Variants in TRPM3 observed in about 807,000 individuals in gnomAD.
TRPM3 encodes transient receptor potential cation channel subfamily M member 3.
In TRPM3, 77 loss-of-function variants were observed where a neutral mutation model predicts 181.2. The ratio of observed to expected loss-of-function variants is 0.42; its 90% CI spans 0.35 to 0.51. The LOEUF (loss-of-function observed/expected upper bound fraction) is 0.51. TRPM3 is among the 20% of genes least tolerant of loss of function. The probability of loss-of-function intolerance (pLI) is 0.01; values close to 1 mark genes in which losing one functional copy is unlikely to be tolerated. For missense variants in TRPM3, 1,759 were observed against 2,196.7 expected (o/e 0.80, Z 3.98); for synonymous variants, 745 against 796.4 (o/e 0.94, Z 1.09).
At position 71,063,710 on chromosome 9, in the gene TRPM3, G is replaced by C. The variant is rs547490953; in HGVS notation, c.177+57468C>G. 4.6e-5 allele frequency among the ~76,000 whole-genome samples: 7 copies of C among 152,130 alleles called. No individual in the cohort carries two copies. The East Asian group carries it at 1.4e-3, about 29-fold the overall frequency. On this transcript the variant is annotated intron_variant, in intron 1 of 25. Transcript: ENST00000677713. The stretch of plus-strand genomic sequence containing the variant: ...GGGGAGGGTGGCTGTAGGGACTATT[G>C]CAAGATAAAGCTGGAAATGTAGACT...
chr9:71,304,013 T>C (rs1172681315), intron 1 of TRPM3, among the ~76,000 whole-genome samples: 1 of 152,106 alleles, frequency 6.6e-6, no homozygotes, highest in African/African-American at 2.4e-5. Flanking sequence ...AATAAATATA[T>C]AGTTTTTGTT....
intron 1 of TRPM3, among the ~76,000 whole-genome samples, chr9:71,051,933 TA>T (rs764023571): frequency 1.0e-4 from 14 of 140,442 alleles, no homozygotes; most frequent in Admixed American, 1.4e-4. Context: ...ATGTTATCTC[TA>T]GGGGGGTTGT....
In TRPM3 at chr9:70,811,324, T is replaced by C. The variant is rs1588686220; in HGVS notation, c.973+16523A>G. ...TTATTAAAGCAGATGGATTACCCAA[T>C]TTACATAAATTTATATACGTGATGG... On this transcript the variant is annotated intron_variant, in intron 6 of 25. Transcript: ENST00000677713. 4 of 1,192,642 alleles carry C rather than the reference T, an allele frequency of 3.4e-6. No homozygotes were observed. The African/African-American group carries it at 4.6e-5, about 14-fold the overall frequency. The allele number at this position is 1,192,642 out of a possible 1,614,324, so 73.9% of individuals were successfully genotyped here. A position where few individuals can be genotyped will look rare whatever the true frequency, so the allele number is the denominator to read the frequency against.
At position 70,963,558 on chromosome 9, in the gene TRPM3, C is replaced by T. The variant is rs141214302; in HGVS notation, c.178-99047G>A. 4.2e-3 allele frequency among the ~76,000 whole-genome samples: 640 copies of T among 152,148 alleles called. 5 individuals are homozygous for T. Among genetic ancestry groups the T allele is most frequent in the African/African-American group, 0.015 (615 of 41,518 alleles). On this transcript the variant is annotated intron_variant, in intron 1 of 25. Transcript: ENST00000677713. ...TTGGCTTGGGTGGTGGCAACACAGACTTGTTTGGTGATAACACTTCGAGGT... is the reference window on the plus strand; with the variant it reads ...TTGGCTTGGGTGGTGGCAACACAGATTTGTTTGGTGATAACACTTCGAGGT...
intron 1 of TRPM3, among the ~76,000 whole-genome samples, chr9:71,022,248 T>C (rs138727815): frequency 3.3e-5 from 5 of 152,328 alleles, no homozygotes; most frequent in African/African-American, 1.2e-4. Context: ...TACACAAATA[T>C]GTCTAACCAA....
At chr9:70,923,820 C>CTA (rs1260183978) in intron 1 of TRPM3, among the ~76,000 whole-genome samples, 20 of 140,422 alleles carry the variant, frequency 1.4e-4, no homozygotes, top group African/African-American at 4.9e-4. Context: ...CTCTCTCTCT[C>CTA]TCTCTCTCTA....
intron 5 of TRPM3, among the ~76,000 whole-genome samples, chr9:70,829,767 C>T (rs986372807): frequency 3.9e-5 from 6 of 152,040 alleles, no homozygotes; most frequent in African/African-American, 7.3e-5. Context: ...TAGATGATTG[C>T]GTAAGAGTCC....
intron 5 of TRPM3, among the ~76,000 whole-genome samples, chr9:70,832,553 G>C (rs929972720): frequency 6.6e-6 from 1 of 152,152 alleles, no homozygotes; most frequent in African/African-American, 2.4e-5. Context: ...AGTGAAATGA[G>C]AGCTGTTTAA....
At chr9:71,085,908 G>A (rs1451628665) in intron 1 of TRPM3, among the ~76,000 whole-genome samples, 1 of 151,976 alleles carries the variant, frequency 6.6e-6, no homozygotes, top group Non-Finnish European at 1.5e-5. Flanking sequence ...CATGTTCATT[G>A]CAGCACTAAT....
intron 1 of TRPM3, among the ~76,000 whole-genome samples, chr9:71,108,323 C>G (rs1290351495): frequency 2.0e-5 from 3 of 152,098 alleles, no homozygotes; most frequent in Non-Finnish European, 4.4e-5. Flanking sequence ...ATTCCAGAAC[C>G]ATTAAGCTAT....
intron 1 of TRPM3, among the ~76,000 whole-genome samples, chr9:71,139,172 G>A (rs1276897847): frequency 1.3e-5 from 2 of 152,028 alleles, no homozygotes; most frequent in African/African-American, 2.4e-5. Flanking sequence ...AATTCATGTT[G>A]TAACTGAAAT....
chr9:70,899,276 A>G (rs2096345963), intron 1 of TRPM3, among the ~76,000 whole-genome samples: 1 of 152,200 alleles, frequency 6.6e-6, no homozygotes, highest in Non-Finnish European at 1.5e-5. Flanking sequence ...ATGACTTGTT[A>G]TTCCTGGAAG....
intron 1 of TRPM3, among the ~76,000 whole-genome samples, chr9:71,162,199 C>CA (rs35947110): frequency 0.52 from 38,803 of 74,534 alleles, 9,426 homozygotes; most frequent in Non-Finnish European, 0.58. Context: ...GACTCTGTCT[C>CA]AAAAAAAAAA....
At chr9:70,790,058 G>C (rs2084985924) in intron 6 of TRPM3, among the ~76,000 whole-genome samples, 1 of 152,146 alleles carries the variant, frequency 6.6e-6, no homozygotes, top group African/African-American at 2.4e-5. Flanking sequence ...CATAATCTAT[G>C]ATCAGCTTAG....
intron 1 of TRPM3, among the ~76,000 whole-genome samples, chr9:71,249,020 A>G (rs1489853723): frequency 2.6e-5 from 4 of 152,210 alleles, no homozygotes; most frequent in African/African-American, 9.6e-5. Flanking sequence ...CAATGAAAAA[A>G]GTGTTTCATC....
intron 1 of TRPM3, among the ~76,000 whole-genome samples, chr9:71,437,976 C>T (rs2094072407): frequency 6.6e-6 from 1 of 151,904 alleles, no homozygotes; most frequent in Admixed American, 6.6e-5. Context: ...GGCTAATACC[C>T]AAAAATGAGA....
At position 70,610,711 on chromosome 9, in the gene TRPM3, C is replaced by T. The variant is rs370376246; in HGVS notation, c.2565G>A (p.Lys855=). The change falls in exon 19 of 26, where the codon AAG becomes AAA. Residue 855 remains lysine (K), a synonymous_variant. Coordinates refer to ENST00000677713, the MANE Select transcript of TRPM3 (RefSeq NM_001366145.2). ...LGRNNGESSR[K]KDEEEVQSKH... Reference sequence around the variant, plus strand: ...TGCTCTGAACTTCCTCTTCATCCTTCTTCCTGGAGGACTCCCCGTTGTTTC... The same window carrying T: ...TGCTCTGAACTTCCTCTTCATCCTTTTTCCTGGAGGACTCCCCGTTGTTTC... 2 of 1,614,180 alleles carry T rather than the reference C, an allele frequency of 1.2e-6. No homozygotes were observed. The highest frequency in any genetic ancestry group is 2.2e-5 in the South Asian group (2 of 91,086).
chr9:70,900,809 C>T (rs2133012550), intron 1 of TRPM3, among the ~76,000 whole-genome samples: 1 of 152,270 alleles, frequency 6.6e-6, no homozygotes, highest in East Asian at 1.9e-4. Flanking sequence ...ACTGGAAGGG[C>T]CAGGCTAGAG....
At chr9:71,399,745 A>G (rs1244627532) in intron 1 of TRPM3, among the ~76,000 whole-genome samples, 1 of 151,856 alleles carries the variant, frequency 6.6e-6, no homozygotes, top group African/African-American at 2.4e-5. Context: ...GTTAGCCAGG[A>G]TGGTCTTGAT....
Sources: gnomAD v4.1 joint callset for allele counts (sites outside exome capture counted in the v4.1 genomes callset) on GRCh38, gnomAD v4.1.1 for gene constraint, MANE v1.5 for transcripts, NCBI Gene and HGNC (gene_info 2026-07-23, HGNC 2026-07-21) for gene names.